RHEB: variants seen among roughly 807,000 people sequenced by gnomAD.
RHEB encodes the protein GTP-binding protein Rheb.
In RHEB, 2 loss-of-function variants were observed where a neutral mutation model predicts 28.8. The ratio of observed to expected loss-of-function variants is 0.07; its 90% CI spans 0.03 to 0.22. The LOEUF is 0.22. Among genes scored for constraint, RHEB ranks in the 10% least tolerant of loss-of-function variants. RHEB has a pLI of 1.00. For synonymous variants in RHEB, 69 were observed against 77.3 expected (o/e 0.89, Z 0.56); for missense variants, 76 against 219.9 (o/e 0.35, Z 4.14).
intron 1 of RHEB, 120 bp downstream of exon 1, chr7:151,519,340 G>GC: frequency 1.6e-6 from 1 of 632,496 alleles, no homozygotes; most frequent in Non-Finnish European, 2.2e-6. Context: ...GAAACGCGCG[G>GC]CCCCCGCCCG....
chr7:151,469,166 A>C (rs717775), intron 7 of RHEB, among the ~76,000 whole-genome samples: 36,795 of 151,920 alleles, frequency 0.24, 5,662 homozygotes, highest in South Asian at 0.48. Flanking sequence ...ACATCTGTTT[A>C]ATCAGTTTTT....
chr7:151,500,173 A>G (rs1020690192), intron 1 of RHEB, among the ~76,000 whole-genome samples: 8 of 152,344 alleles, frequency 5.3e-5, no homozygotes, highest in Non-Finnish European at 8.8e-5. Flanking sequence ...CAGTCAGAAG[A>G]GTGACATGAG....
At chr7:151,510,514 A>T (rs1397419029) in intron 1 of RHEB, among the ~76,000 whole-genome samples, 2 of 152,244 alleles carry the variant, frequency 1.3e-5, no homozygotes, top group Admixed American at 1.3e-4. Context: ...ATGCTTCAAA[A>T]GCACCAACAA....
chr7:151,479,438 T>C (rs1325183257), intron 3 of RHEB, among the ~76,000 whole-genome samples: 1 of 152,154 alleles, frequency 6.6e-6, no homozygotes, highest in African/African-American at 2.4e-5. Context: ...ATCCCAGCAC[T>C]TTGGGAGGCC....
chr7:151,479,246 C>T (rs1802328001), intron 3 of RHEB, among the ~76,000 whole-genome samples: 1 of 151,820 alleles, frequency 6.6e-6, no homozygotes, highest in South Asian at 2.1e-4. Context: ...AGGGACAAGC[C>T]CAGAGCCACC....
chr7:151,480,405 A>G (rs1489873722), intron 3 of RHEB, among the ~76,000 whole-genome samples: 3 of 152,082 alleles, frequency 2.0e-5, no homozygotes, highest in African/African-American at 7.2e-5. Flanking sequence ...AAAAAAACAA[A>G]ACAAAACCCA....
At chr7:151,486,546 G>C (rs1017535387) in intron 2 of RHEB, among the ~76,000 whole-genome samples, 5 of 152,190 alleles carry the variant, frequency 3.3e-5, no homozygotes, top group Admixed American at 6.5e-5. Context: ...AGTCAATGCA[G>C]CTAAAGCTCA....
At chr7:151,467,243 T>TA in intron 7 of RHEB, 32 bp from the exon 8 acceptor site, 1 of 1,486,774 alleles carries the variant, frequency 6.7e-7, no homozygotes, top group Non-Finnish European at 9.4e-7. Flanking sequence ...ATCACAGTGT[T>TA]AGTGTGAAGC....
intron 1 of RHEB, among the ~76,000 whole-genome samples, chr7:151,510,809 G>A (rs184636554): frequency 1.3e-5 from 2 of 152,322 alleles, no homozygotes; most frequent in East Asian, 1.9e-4. Flanking sequence ...TACAGGTGCA[G>A]TGGCTCAGCC....
Position 151,484,749 on chromosome 7 carries a change from G to A in RHEB, c.180C>T (p.Asp60=). The part of the protein sequence containing the change: ...NGQEYHLQLV[D]TAGQDEYSIF... ...AGAGGTCACTTACTTGCCCGGCTGTGTCTACAAGTTGAAGATGATATTCTT... is the reference window on the plus strand; with the variant it reads ...AGAGGTCACTTACTTGCCCGGCTGTATCTACAAGTTGAAGATGATATTCTT... Residue 60 remains aspartate (D), a synonymous_variant, in exon 3 of 8, where the codon GAC becomes GAT. Coordinates refer to ENST00000262187, the MANE Select transcript of RHEB (RefSeq NM_005614.4). The A allele has an allele frequency of 1.2e-6, 2 of 1,610,642 alleles. No homozygotes were observed. Among genetic ancestry groups the A allele is most frequent in the African/African-American group, 1.3e-5 (1 of 74,960 alleles).
chr7:151,475,781 A>T (rs1164045487), intron 4 of RHEB, among the ~76,000 whole-genome samples: 1 of 152,204 alleles, frequency 6.6e-6, no homozygotes, highest in Non-Finnish European at 1.5e-5. Context: ...AAATATTATA[A>T]AGCCATTTAC....
At chr7:151,482,724 CA>C (rs1399329134) in intron 3 of RHEB, among the ~76,000 whole-genome samples, 2 of 152,106 alleles carry the variant, frequency 1.3e-5, no homozygotes, top group Non-Finnish European at 2.9e-5. Context: ...ACTGTTGTCC[CA>C]ACATAATTAT....
At chr7:151,487,211 G>A (rs1802492667) in intron 2 of RHEB, among the ~76,000 whole-genome samples, 1 of 152,226 alleles carries the variant, frequency 6.6e-6, no homozygotes. Context: ...GCTGAGGAAA[G>A]ATCATTTTAA....
At chr7:151,503,168 A>C (rs1802804308) in intron 1 of RHEB, 2 of 790,864 alleles carry the variant, frequency 2.5e-6, no homozygotes, top group Admixed American at 3.4e-5. Context: ...TTGCCAAGGC[A>C]CAGAAAAGGA....
At chr7:151,477,531 A>C (rs948748902) in intron 3 of RHEB, 116 bp from the exon 4 acceptor site, 10 of 631,942 alleles carry the variant, frequency 1.6e-5, no homozygotes, top group Non-Finnish European at 1.9e-5. Context: ...AGTGGATTAC[A>C]ATATTATGCC....
intron 1 of RHEB, among the ~76,000 whole-genome samples, chr7:151,510,039 C>T (rs1299343531): frequency 6.6e-6 from 1 of 151,542 alleles, no homozygotes; most frequent in East Asian, 1.9e-4. Flanking sequence ...TCACTTCCCA[C>T]AGTTTCTAGG....
chr7:151,510,321 T>C (rs1214939775), intron 1 of RHEB, among the ~76,000 whole-genome samples: 1 of 152,246 alleles, frequency 6.6e-6, no homozygotes, highest in Non-Finnish European at 1.5e-5. Context: ...CTGCCTGCTC[T>C]GGAGCCACTG....
At chr7:151,479,452 G>A (rs780468117) in intron 3 of RHEB, among the ~76,000 whole-genome samples, 3 of 152,140 alleles carry the variant, frequency 2.0e-5, no homozygotes, top group Non-Finnish European at 4.4e-5. Flanking sequence ...GGAGGCCAAG[G>A]TGGGCAGATC....
At chr7:151,482,418 T>C (rs1224234324) in intron 3 of RHEB, among the ~76,000 whole-genome samples, 1 of 152,154 alleles carries the variant, frequency 6.6e-6, no homozygotes, top group Non-Finnish European at 1.5e-5. Context: ...TTCGCTTCCT[T>C]AAGGTTACTG....
Sources: gnomAD v4.1 joint callset for allele counts (sites outside exome capture counted in the v4.1 genomes callset) on GRCh38, gnomAD v4.1.1 for gene constraint, MANE v1.5 for transcripts, NCBI Gene and HGNC (gene_info 2026-07-23, HGNC 2026-07-21) for gene names.